Variants in GALNT13 observed in about 807,000 individuals in gnomAD.
GALNT13 encodes polypeptide N-acetylgalactosaminyltransferase 13, also known as UDP-GalNAc:polypeptide N-acetylgalactosaminyltransferase 13.
In GALNT13, 28 loss-of-function variants were observed where a neutral mutation model predicts 64.2. The observed-to-expected ratio is 0.44, with a 90% CI of 0.32 to 0.60. The LOEUF is 0.60. Ranked by LOEUF, GALNT13 falls within the 20% of genes least tolerant of loss-of-function variation. The pLI is 0.05. For synonymous variants in GALNT13, 214 were observed against 224.6 expected, an observed-to-expected ratio of 0.95 and a Z score of 0.42; for missense variants, 577 against 669.8, an observed-to-expected ratio of 0.86 and a Z score of 1.53.
intron 8 of GALNT13, among the ~76,000 whole-genome samples, chr2:154,287,696 C>T (rs1270259653): frequency 1.3e-5 from 2 of 152,012 alleles, no homozygotes; most frequent in African/African-American, 2.4e-5. Context: ...TGTTGCACTC[C>T]ACACCTCAGT....
intron 3 of GALNT13, among the ~76,000 whole-genome samples, chr2:154,135,107 CTGTT>C (rs768650523): frequency 2.6e-5 from 4 of 152,198 alleles, no homozygotes; most frequent in Non-Finnish European, 5.9e-5. Flanking sequence ...TTATTGCTGA[CTGTT>C]CATTCAAGCA....
chr2:153,649,918 G>A, the GALNT13 span, among the ~76,000 whole-genome samples: 3 of 152,182 alleles, frequency 2.0e-5, no homozygotes, highest in African/African-American at 7.2e-5. Context: ...GTGTGGTGTA[G>A]TGTTGAAAAG....
At chr2:154,433,133 A>T (rs556178118) in intron 11 of GALNT13, among the ~76,000 whole-genome samples, 2 of 152,308 alleles carry the variant, frequency 1.3e-5, no homozygotes, top group African/African-American at 4.8e-5. Context: ...ATTATGCAGG[A>T]TGCCAGTTGG....
the GALNT13 span, among the ~76,000 whole-genome samples, chr2:153,384,430 A>G: frequency 6.6e-6 from 1 of 152,094 alleles, no homozygotes; most frequent in Non-Finnish European, 1.5e-5. Flanking sequence ...ATTAAGTCAT[A>G]TAAATGAGTA....
the GALNT13 span, among the ~76,000 whole-genome samples, chr2:153,863,554 C>A: frequency 1.3e-5 from 2 of 151,924 alleles, no homozygotes; most frequent in African/African-American, 4.8e-5. Flanking sequence ...AAAATAAAGT[C>A]CAAGTGAAAA....
chr2:153,446,446 GAAACTAAGT>G, the GALNT13 span, among the ~76,000 whole-genome samples: 1 of 152,156 alleles, frequency 6.6e-6, no homozygotes, highest in Non-Finnish European at 1.5e-5. Flanking sequence ...AATATAGAGA[GAAACTAAGT>G]AATCTAGGAA....
the GALNT13 span, among the ~76,000 whole-genome samples, chr2:153,083,585 TTA>T: frequency 6.6e-6 from 1 of 152,124 alleles, no homozygotes; most frequent in Non-Finnish European, 1.5e-5. Flanking sequence ...TTTGATGGTA[TTA>T]TTTTTTTTTC....
intron 9 of GALNT13, among the ~76,000 whole-genome samples, chr2:154,387,532 C>T (rs1698571667): frequency 6.6e-6 from 1 of 151,482 alleles, no homozygotes. Flanking sequence ...ACGTGTTTCT[C>T]CTATCTGAAA....
the GALNT13 span, among the ~76,000 whole-genome samples, chr2:153,430,871 GC>G: frequency 3.9e-5 from 6 of 152,018 alleles, no homozygotes; most frequent in African/African-American, 1.4e-4. Context: ...AGTTGACGTA[GC>G]CAGGCATGGT....
At chr2:153,122,354 G>A in the GALNT13 span, among the ~76,000 whole-genome samples, 16 of 152,222 alleles carry the variant, frequency 1.1e-4, no homozygotes, top group South Asian at 8.3e-4. Context: ...CCCCCAAAAT[G>A]TAGTATTTTG....
At chr2:153,952,716 GT>G in intron 3 of GALNT13, among the ~76,000 whole-genome samples, 1 of 152,186 alleles carries the variant, frequency 6.6e-6, no homozygotes, top group Middle Eastern at 3.4e-3. Flanking sequence ...ACAAGATGAA[GT>G]CCCACAATAG....
chr2:153,765,164 G>A, the GALNT13 span, among the ~76,000 whole-genome samples: 2 of 152,208 alleles, frequency 1.3e-5, no homozygotes, highest in Non-Finnish European at 1.5e-5. Flanking sequence ...GCTGTGAGAA[G>A]AGGGCCACTG....
the GALNT13 span, among the ~76,000 whole-genome samples, chr2:153,523,603 A>C: frequency 1.3e-5 from 2 of 152,178 alleles, no homozygotes; most frequent in African/African-American, 4.8e-5. Flanking sequence ...GTTTAATTTC[A>C]AATTCCACTT....
chr2:153,312,972 A>C, the GALNT13 span, among the ~76,000 whole-genome samples: 2 of 152,192 alleles, frequency 1.3e-5, no homozygotes, highest in African/African-American at 4.8e-5. Flanking sequence ...AAAAAAAATT[A>C]TTACTTTATA....
chr2:153,440,572 G>A, the GALNT13 span, among the ~76,000 whole-genome samples: 2 of 152,184 alleles, frequency 1.3e-5, no homozygotes, highest in South Asian at 4.1e-4. Context: ...CACCAACAGT[G>A]TAGAAGTGTT....
chr2:153,206,888 C>T, the GALNT13 span, among the ~76,000 whole-genome samples: 4 of 151,952 alleles, frequency 2.6e-5, no homozygotes, highest in Admixed American at 2.0e-4. Flanking sequence ...TTTTACTCAT[C>T]GCCTAGATTT....
At chr2:153,106,353 C>T in the GALNT13 span, among the ~76,000 whole-genome samples, 56 of 152,184 alleles carry the variant, frequency 3.7e-4, no homozygotes, top group African/African-American at 1.0e-3. Flanking sequence ...GAACTTAACC[C>T]GTCTGAACTC....
At chr2:153,804,860 C>A in the GALNT13 span, among the ~76,000 whole-genome samples, 2 of 152,084 alleles carry the variant, frequency 1.3e-5, no homozygotes, top group South Asian at 4.2e-4. Flanking sequence ...TTTACATTTT[C>A]TTTCTAAATT....
At chr2:153,311,289 G>C in the GALNT13 span, among the ~76,000 whole-genome samples, 1 of 152,178 alleles carries the variant, frequency 6.6e-6, no homozygotes, top group Non-Finnish European at 1.5e-5. Context: ...TCAAGATTTG[G>C]AGAAGTAGGA....
Sources: gnomAD v4.1 joint callset for allele counts (sites outside exome capture counted in the v4.1 genomes callset) on GRCh38, gnomAD v4.1.1 for gene constraint, MANE v1.5 for transcripts, NCBI Gene and HGNC (gene_info 2026-07-23, HGNC 2026-07-21) for gene names.